The following TENT2 variants were observed in gnomAD, a reference collection of about 807,000 sequenced individuals.
TENT2 encodes the protein terminal nucleotidyltransferase 2.
A neutral mutation model predicts 72.2 loss-of-function variants in TENT2; 44 were observed. That is an observed-to-expected ratio of 0.61 (90% CI 0.48 to 0.78). The LOEUF is 0.78. TENT2 is among the 30% of genes least tolerant of loss of function. TENT2 has a pLI of 0.00. For synonymous variants in TENT2, 212 were observed against 192.5 expected (o/e 1.10, Z -0.84); for missense variants, 541 against 569.6 (o/e 0.95, Z 0.51).
At chr5:79,660,606 T>A (rs1802065507) in intron 11 of TENT2, among the ~76,000 whole-genome samples, 1 of 152,200 alleles carries the variant, frequency 6.6e-6, no homozygotes, top group African/African-American at 2.4e-5. Flanking sequence ...CATATATACA[T>A]ATACAGTAAT....
chr5:79,666,541 A>C (rs1043374762), intron 11 of TENT2, among the ~76,000 whole-genome samples: 9 of 151,760 alleles, frequency 5.9e-5, no homozygotes, highest in Non-Finnish European at 1.3e-4. Context: ...AGAGATAGGC[A>C]TCACCATGCC....
At chr5:79,618,333 C>T (rs1472782208) in intron 1 of TENT2, among the ~76,000 whole-genome samples, 1 of 152,016 alleles carries the variant, frequency 6.6e-6, no homozygotes, top group African/African-American at 2.4e-5. Context: ...CTCAAGCAAT[C>T]CTCCCACCTC....
chr5:79,625,355 CT>C (rs1471878648), intron 4 of TENT2, among the ~76,000 whole-genome samples: 1 of 152,062 alleles, frequency 6.6e-6, no homozygotes, highest in Non-Finnish European at 1.5e-5. Context: ...TGTGGCTTGT[CT>C]TTTTACTTTC....
intron 12 of TENT2, among the ~76,000 whole-genome samples, chr5:79,673,133 A>G (rs1814308211): frequency 6.6e-6 from 1 of 152,176 alleles, no homozygotes; most frequent in Non-Finnish European, 1.5e-5. Flanking sequence ...CCGTGTTTTA[A>G]TTGGATTATT....
intron 12 of TENT2, among the ~76,000 whole-genome samples, chr5:79,674,654 TACAC>T (rs1375118694): frequency 2.6e-5 from 4 of 152,014 alleles, no homozygotes; most frequent in Admixed American, 1.3e-4. Flanking sequence ...CAGTTCAAAA[TACAC>T]ACACACACAA....
At chr5:79,635,949 G>A (rs1272952654) in intron 4 of TENT2, among the ~76,000 whole-genome samples, 1 of 152,196 alleles carries the variant, frequency 6.6e-6, no homozygotes, top group African/African-American at 2.4e-5. Flanking sequence ...TACATCAGGG[G>A]TTGGCAGAAG....
chr5:79,645,193 G>A lies in TENT2; in HGVS notation c.821+1G>A, dbSNP rs1245241755. ...TTGTGAAGTTCAGGGATAAAGTCAG[G>A]TAAATAATTAATGAGCTTTCTTTTT... is the stretch of plus-strand genomic sequence containing the variant. On this transcript the variant is annotated splice_donor_variant, in intron 8 of 14. Transcript: ENST00000453514. LOFTEE classifies it high-confidence loss of function. 1 of 1,601,882 alleles carries A rather than the reference G, an allele frequency of 6.2e-7. No individual in the cohort carries two copies. The highest frequency in any genetic ancestry group is 1.3e-5 in the African/African-American group (1 of 74,182).
rs1344597182 is a variant in TENT2, at chr5:79,623,399, T to C, written c.375T>C (p.Tyr125=). The C allele has an allele frequency of 1.9e-6, 3 of 1,613,454 alleles. No individual in the cohort carries two copies. Among genetic ancestry groups the C allele is most frequent in the Non-Finnish European group, 2.5e-6 (3 of 1,179,666 alleles). Residue 125 remains tyrosine (Y), a synonymous_variant, in exon 4 of 15, where the codon TAT becomes TAC. Coordinates refer to ENST00000453514, the MANE Select transcript of TENT2 (RefSeq NM_001114394.3). ...TGCCACCATTGTTTCATACACATTATGTACCAGATATAGTCAGATGTGTTC... is the reference window on the plus strand; with the variant it reads ...TGCCACCATTGTTTCATACACATTACGTACCAGATATAGTCAGATGTGTTC... The part of the protein sequence containing the change: ...YSMPPLFHTH[Y]VPDIVRCVPP...
At chr5:79,644,906 A>G (rs1237371327) in intron 7 of TENT2, 5 of 433,986 alleles carry the variant, frequency 1.2e-5, no homozygotes, top group Non-Finnish European at 1.6e-5. Flanking sequence ...ATTAGATCAC[A>G]TTCCTGAAAA....
At chr5:79,658,444 G>A (rs1223394861) in intron 11 of TENT2, among the ~76,000 whole-genome samples, 4 of 151,242 alleles carry the variant, frequency 2.6e-5, no homozygotes, top group African/African-American at 4.9e-5. Flanking sequence ...TTCTACCTTG[G>A]CCTCCCAAAG....
At chr5:79,660,197 ACAT>A (rs771305206) in intron 11 of TENT2, among the ~76,000 whole-genome samples, 23 of 151,966 alleles carry the variant, frequency 1.5e-4, no homozygotes, top group Non-Finnish European at 2.6e-4. Flanking sequence ...AAGGCTATAA[ACAT>A]CATTGTCTCT....
intron 8 of TENT2, among the ~76,000 whole-genome samples, chr5:79,647,084 A>G (rs1318424093): frequency 3.3e-5 from 5 of 152,002 alleles, no homozygotes; most frequent in African/African-American, 4.8e-5. Context: ...CTGCTTCCCA[A>G]CAGAACCATA....
chr5:79,654,573 G>A (rs973063825), intron 10 of TENT2, among the ~76,000 whole-genome samples: 1 of 152,198 alleles, frequency 6.6e-6, no homozygotes, highest in South Asian at 2.1e-4. Context: ...TGCAGAGCCT[G>A]GCCAACGTGG....
intron 12 of TENT2, among the ~76,000 whole-genome samples, chr5:79,679,106 A>G (rs1045605120): frequency 2.0e-5 from 3 of 152,060 alleles, no homozygotes; most frequent in Non-Finnish European, 4.4e-5. Flanking sequence ...GGGTTTCACC[A>G]TCTTGGCCAG....
intron 4 of TENT2, among the ~76,000 whole-genome samples, chr5:79,633,631 G>C (rs1299880416): frequency 1.3e-5 from 2 of 150,376 alleles, no homozygotes; most frequent in African/African-American, 4.9e-5. Flanking sequence ...GGTCAGGCTG[G>C]TCTCGAACTG....
chr5:79,666,427 A>G (rs534902736), intron 11 of TENT2, among the ~76,000 whole-genome samples: 34 of 151,226 alleles, frequency 2.2e-4, no homozygotes, highest in Admixed American at 2.0e-3. Context: ...CAGTGGTGCA[A>G]TGATGAGCCC....
chr5:79,655,840 T>C (rs1797574772), intron 10 of TENT2, among the ~76,000 whole-genome samples: 1 of 151,860 alleles, frequency 6.6e-6, no homozygotes, highest in South Asian at 2.1e-4. Flanking sequence ...AACATGGGGA[T>C]GAAATGTGAT....
intron 4 of TENT2, among the ~76,000 whole-genome samples, chr5:79,638,524 C>T: frequency 6.6e-6 from 1 of 152,096 alleles, no homozygotes; most frequent in East Asian, 1.9e-4. Context: ...TTGCATTTAC[C>T]TATGAATTGT....
chr5:79,627,156 T>G (rs1414506373), intron 4 of TENT2, among the ~76,000 whole-genome samples: 1 of 151,770 alleles, frequency 6.6e-6, no homozygotes, highest in Non-Finnish European at 1.5e-5. Flanking sequence ...CTTTTACTGT[T>G]TTTTTAAGGT....
Sources: gnomAD v4.1 joint callset for allele counts (sites outside exome capture counted in the v4.1 genomes callset) on GRCh38, gnomAD v4.1.1 for gene constraint, MANE v1.5 for transcripts, NCBI Gene and HGNC (gene_info 2026-07-23, HGNC 2026-07-21) for gene names.